The following LRP1B variants were observed in gnomAD, a reference collection of about 807,000 sequenced individuals.
LRP1B encodes the protein low-density lipoprotein receptor-related protein 1B.
Under a neutral mutation model 556.6 loss-of-function variants are expected in LRP1B, and 217 were observed. The observed-to-expected ratio is 0.39, with a 90% CI of 0.35 to 0.44. LRP1B has a LOEUF of 0.44. Ranked by LOEUF, LRP1B falls within the 20% of genes least tolerant of loss-of-function variation. The pLI is 1.00. For missense variants in LRP1B, 5,053 were observed against 5,620.8 expected (o/e 0.90, Z 3.23); for synonymous variants, 2,047 against 1,865.8 (o/e 1.10, Z -2.50).
chr2:140,318,081 T>C (rs1487505756), intron 82 of LRP1B, among the ~76,000 whole-genome samples: 2 of 152,110 alleles, frequency 1.3e-5, no homozygotes, highest in African/African-American at 4.8e-5. Flanking sequence ...ATTAAAAATG[T>C]TCAGGGTGCT....
intron 43 of LRP1B, among the ~76,000 whole-genome samples, chr2:140,564,202 A>T (rs1012798348): frequency 1.2e-4 from 19 of 152,138 alleles, no homozygotes; most frequent in Non-Finnish European, 4.4e-5. Flanking sequence ...TACATTCTTT[A>T]GTTTTTCTGA....
intron 34 of LRP1B, 105 bp downstream of exon 34, chr2:140,770,776 A>T: frequency 3.4e-6 from 3 of 889,058 alleles, no homozygotes; most frequent in Non-Finnish European, 4.9e-6. Flanking sequence ...TAACTAGTTA[A>T]TTTTTTTCTA....
rs201917109 is a variant in LRP1B, at chr2:140,984,182, ATC to A, written c.2771-1908_2771-1907del. ...GAGATTAATAATTTTTCCCTTACAT[ATC>A]TCTGTTTCACTGGTTACAATAAATA... On this transcript the variant is annotated intron_variant, in intron 17 of 90. Coordinates refer to ENST00000389484, the MANE Select transcript of LRP1B (RefSeq NM_018557.3). 2.7e-3 allele frequency among the ~76,000 whole-genome samples: 412 copies of A among 152,046 alleles called. 1 individual carries two copies. The highest frequency in any genetic ancestry group is 9.5e-3 in the African/African-American group (396 of 41,550).
rs141776507 is a variant in LRP1B, at chr2:140,663,647, AC to A, written c.6799+36602del. 5.5e-4 allele frequency among the ~76,000 whole-genome samples: 83 copies of A among 152,214 alleles called. No individual in the cohort carries two copies. In the East Asian group the frequency reaches 0.013, roughly 24 times the overall value. The stretch of plus-strand genomic sequence containing the variant: ...TTATGGGAATGTCGTGGCTGGTTTG[AC>A]CTTCTCTCCCGACCACTAAAACTTT... On this transcript the variant is annotated intron_variant, in intron 41 of 90. Transcript: ENST00000389484.
intron 3 of LRP1B, among the ~76,000 whole-genome samples, chr2:141,324,280 A>G (rs1402574489): frequency 2.0e-5 from 3 of 152,146 alleles, no homozygotes; most frequent in African/African-American, 7.2e-5. Context: ...TCTAAAAAAT[A>G]AATACTCTTT....
chr2:141,605,592 A>T (rs1034844201), intron 2 of LRP1B, among the ~76,000 whole-genome samples: 3 of 152,156 alleles, frequency 2.0e-5, no homozygotes, highest in Non-Finnish European at 4.4e-5. Flanking sequence ...GCTGGGCTGG[A>T]ACTGGCAGCC....
rs1299763635 is a variant in LRP1B, at chr2:140,748,323, T to TATATATTATATTC, written c.5758+20877_5758+20889dup. 0.014 allele frequency among the ~76,000 whole-genome samples: 1,719 copies of TATATATTATATTC among 124,734 alleles called. 134 individuals are homozygous for TATATATTATATTC. The East Asian group carries it at 0.21, about 15-fold the overall frequency. 81.8% of individuals were successfully genotyped at this position (124,734 alleles called of 152,430 possible). A position where few individuals can be genotyped will look rare whatever the true frequency, so the allele number is the denominator to read the frequency against. Reference sequence around the variant, plus strand: ...ATTCATATATTATATTCATATATAATATATATTATATTCATATATTATATT... The same window carrying TATATATTATATTC: ...ATTCATATATTATATTCATATATAATATATATTATATTCATATATTATATTCATATATTATATT... On this transcript the variant is annotated intron_variant, in intron 35 of 90. Transcript: ENST00000389484.
At chr2:141,497,885 T>A (rs1683566231) in intron 2 of LRP1B, among the ~76,000 whole-genome samples, 1 of 151,930 alleles carries the variant, frequency 6.6e-6, no homozygotes, top group African/African-American at 2.4e-5. Flanking sequence ...AAAAATTATA[T>A]TTAGGATATA....
chr2:140,498,611 T>G (rs115606386), intron 55 of LRP1B, among the ~76,000 whole-genome samples: 5,610 of 151,892 alleles, frequency 0.037, 156 homozygotes, highest in Non-Finnish European at 0.047. Flanking sequence ...CATGGTCTGC[T>G]TATATTACAA....
intron 41 of LRP1B, among the ~76,000 whole-genome samples, chr2:140,673,366 T>C (rs1395985636): frequency 6.6e-6 from 1 of 152,222 alleles, no homozygotes; most frequent in African/African-American, 2.4e-5. Context: ...GCTTAATCTC[T>C]TTTTTCTAGT....
chr2:140,803,344 T>C lies in LRP1B; in HGVS notation c.5359+10313A>G, dbSNP rs148586316. On this transcript the variant is annotated intron_variant, in intron 32 of 90. Transcript: ENST00000389484. ...GGCTGGAGTGCAGTGGCGCGCGATC[T>C]TGGCTCACTGCAACCTCCACCTCCC... Among the ~76,000 whole-genome samples the C allele has an allele frequency of 2.8e-3, 410 of 148,954 alleles. 7 individuals carry two copies. In the East Asian group the frequency reaches 0.038, roughly 14 times the overall value.
intron 1 of LRP1B, among the ~76,000 whole-genome samples, chr2:142,012,344 A>G (rs1702984584): frequency 6.6e-6 from 1 of 152,148 alleles, no homozygotes; most frequent in Admixed American, 6.5e-5. Flanking sequence ...CATTTTGTCA[A>G]GAAGATTATA....
At chr2:140,423,506 CAT>C (rs1190619020) in intron 66 of LRP1B, among the ~76,000 whole-genome samples, 8 of 151,940 alleles carry the variant, frequency 5.3e-5, no homozygotes, top group African/African-American at 1.9e-4. Flanking sequence ...ATAAGTCACT[CAT>C]ATTTTAATCT....
At chr2:141,444,788 T>C (rs1402120618) in intron 3 of LRP1B, among the ~76,000 whole-genome samples, 1 of 152,222 alleles carries the variant, frequency 6.6e-6, no homozygotes, top group African/African-American at 2.4e-5. Flanking sequence ...GACTTGATCA[T>C]GGTGGATATG....
intron 2 of LRP1B, among the ~76,000 whole-genome samples, chr2:141,717,356 A>G (rs1055448300): frequency 3.9e-5 from 6 of 152,216 alleles, no homozygotes; most frequent in South Asian, 4.1e-4. Flanking sequence ...ACTGCTCTTT[A>G]TACTTGAAAA....
intron 2 of LRP1B, among the ~76,000 whole-genome samples, chr2:141,742,050 T>C (rs956890688): frequency 1.3e-5 from 2 of 152,174 alleles, no homozygotes; most frequent in African/African-American, 4.8e-5. Flanking sequence ...GAAGAGACTG[T>C]CCTTTCCCTA....
chr2:141,560,554 G>T (rs1686109727), intron 2 of LRP1B, among the ~76,000 whole-genome samples: 2 of 143,510 alleles, frequency 1.4e-5, no homozygotes, highest in African/African-American at 5.3e-5. Context: ...AGGGAATTTA[G>T]GCCTAAGTCT....
At chr2:140,882,941 C>A (rs1366851562) in intron 25 of LRP1B, among the ~76,000 whole-genome samples, 1 of 152,116 alleles carries the variant, frequency 6.6e-6, no homozygotes, top group African/African-American at 2.4e-5. Context: ...TTGACAATGA[C>A]CTTTGATTTA....
At position 141,640,007 on chromosome 2, in the gene LRP1B, G is replaced by A. The variant is rs181275590; in HGVS notation, c.206-159474C>T. ...GTTAAAGTATTCCCTTGGAAATGAT[G>A]ATTCAGCAATAGAAGCTTGAACCCA... is the stretch of plus-strand genomic sequence containing the variant. On this transcript the variant is annotated intron_variant, in intron 2 of 90. Coordinates refer to ENST00000389484, the MANE Select transcript of LRP1B (RefSeq NM_018557.3). 6.6e-5 allele frequency among the ~76,000 whole-genome samples: 10 copies of A among 152,284 alleles called. No homozygotes were observed. In the East Asian group the frequency reaches 1.9e-3, roughly 29 times the overall value.
Sources: gnomAD v4.1 joint callset for allele counts (sites outside exome capture counted in the v4.1 genomes callset) on GRCh38, gnomAD v4.1.1 for gene constraint, MANE v1.5 for transcripts, NCBI Gene and HGNC (gene_info 2026-07-23, HGNC 2026-07-21) for gene names.